GALNT18: variants seen among roughly 807,000 people sequenced by gnomAD.
GALNT18 encodes GalNAc-transferase 18.
A neutral mutation model predicts 69.5 loss-of-function variants in GALNT18; 44 were observed. The ratio of observed to expected loss-of-function variants is 0.63; its 90% CI spans 0.50 to 0.81. The LOEUF is 0.81. GALNT18 is among the 40% of genes least tolerant of loss of function. GALNT18 has a pLI of 0.00. For synonymous variants in GALNT18, 364 were observed against 318.2 expected, an observed-to-expected ratio of 1.14 and a Z score of -1.53; for missense variants, 715 against 810.0, an observed-to-expected ratio of 0.88 and a Z score of 1.42.
At chr11:11,379,676 C>T (rs1853863060) in intron 3 of GALNT18, among the ~76,000 whole-genome samples, 1 of 152,212 alleles carries the variant, frequency 6.6e-6, no homozygotes, top group African/African-American at 2.4e-5. Context: ...TACCTCCTTC[C>T]TATTGGTCTC....
At chr11:11,502,252 G>A (rs1365065911) in intron 1 of GALNT18, among the ~76,000 whole-genome samples, 1 of 152,196 alleles carries the variant, frequency 6.6e-6, no homozygotes, top group East Asian at 1.9e-4. Flanking sequence ...TTGCAAACAA[G>A]CTTAAACCAA....
chr11:11,506,100 A>G (rs767482222), intron 1 of GALNT18, among the ~76,000 whole-genome samples: 1 of 152,218 alleles, frequency 6.6e-6, no homozygotes, highest in Non-Finnish European at 1.5e-5. Context: ...AGGCACAGCC[A>G]AGCAAGAGGG....
rs1451390455 is a variant in GALNT18 at position 11,480,276 on chromosome 11, C to T, written c.236-31340G>A. On this transcript the variant is annotated intron_variant, in intron 1 of 10. Transcript: ENST00000227756. The surrounding 1 kb of genome is among the most constrained non-coding windows in gnomAD (Gnocchi z 4.6). The stretch of plus-strand genomic sequence containing the variant: ...CCTCTCTCTCTCTCTTTCTCTCTCT[C>T]TCGCCCCCCTCGCCCCAACCTCAGT... 6.6e-6 allele frequency among the ~76,000 whole-genome samples: 1 copy of T among 152,052 alleles called. No individual in the cohort carries two copies. Among genetic ancestry groups the T allele is most frequent in the Non-Finnish European group, 1.5e-5 (1 of 68,002 alleles).
chr11:11,379,374 C>A (rs1853855072), intron 3 of GALNT18, 110 bp from the exon 4 acceptor site: 1 of 1,051,278 alleles, frequency 9.5e-7, no homozygotes. Flanking sequence ...GCTGGGGGAC[C>A]CATTCCCCTC....
rs1014053819 is a variant in GALNT18 at position 11,480,223 on chromosome 11, T to C, written c.236-31287A>G. Among the ~76,000 whole-genome samples the C allele has an allele frequency of 1.3e-5, 2 of 152,098 alleles. No individual in the cohort carries two copies. The highest frequency in any genetic ancestry group is 2.9e-5 in the Non-Finnish European group (2 of 68,016). On this transcript the variant is annotated intron_variant, in intron 1 of 10. Coordinates refer to ENST00000227756, the MANE Select transcript of GALNT18 (RefSeq NM_198516.3). This position sits in a 1 kb window ranked among gnomAD's most constrained non-coding sequence, Gnocchi z 4.6. Reference sequence around the variant, plus strand: ...TAAACTAAAAGAAGGGGTCAATCTTTCTTTATTTCTTTCTTTCTTCCTTCC... The same window carrying C: ...TAAACTAAAAGAAGGGGTCAATCTTCCTTTATTTCTTTCTTTCTTCCTTCC...
chr11:11,299,669 G>A (rs1471277384), intron 9 of GALNT18, among the ~76,000 whole-genome samples: 1 of 152,202 alleles, frequency 6.6e-6, no homozygotes, highest in Admixed American at 6.5e-5. Flanking sequence ...TCATGGCTGA[G>A]AAGTATTCTA....
chr11:11,352,575 T>C (rs772004605), intron 6 of GALNT18: 79 of 1,614,050 alleles, frequency 4.9e-5, no homozygotes, highest in Admixed American at 6.7e-5. Context: ...GCCAGGATGA[T>C]AAAACTCAGC....
chr11:11,610,905 C>A (rs1442532204), intron 1 of GALNT18, among the ~76,000 whole-genome samples: 1 of 152,190 alleles, frequency 6.6e-6, no homozygotes, highest in African/African-American at 2.4e-5. Context: ...TTAGACAAAG[C>A]CTGTCCCGCT....
intron 9 of GALNT18, among the ~76,000 whole-genome samples, chr11:11,321,398 G>A (rs2722760): frequency 0.035 from 5,386 of 152,198 alleles, 273 homozygotes; most frequent in African/African-American, 0.11. Flanking sequence ...GTTAAGATTC[G>A]TGTATTTTAG....
At position 11,583,616 on chromosome 11, in the gene GALNT18, C is replaced by G. The variant is rs1041261510; in HGVS notation, c.235+37743G>C. Among the ~76,000 whole-genome samples the G allele has an allele frequency of 3.9e-5, 6 of 152,174 alleles. No individual in the cohort carries two copies. The highest frequency in any genetic ancestry group is 1.3e-4 in the Admixed American group (2 of 15,288). ...ATCTCATTCCCCAAATGTAGGACAT[C>G]CAAAGACCAGAGGTCCCATGAGACG... On this transcript the variant is annotated intron_variant, in intron 1 of 10. Transcript: ENST00000227756. The surrounding 1 kb of genome is among the most constrained non-coding windows in gnomAD (Gnocchi z 4.7).
chr11:11,359,180 C>T (rs576520849), intron 6 of GALNT18, among the ~76,000 whole-genome samples: 1 of 140,168 alleles, frequency 7.1e-6, no homozygotes, highest in Non-Finnish European at 1.6e-5. Context: ...AATTAATTTC[C>T]TTATGGCTAG....
chr11:11,412,932 G>A (rs1854764841), intron 3 of GALNT18, among the ~76,000 whole-genome samples: 1 of 152,172 alleles, frequency 6.6e-6, no homozygotes, highest in Non-Finnish European at 1.5e-5. Context: ...ACCAATGATG[G>A]AAGGGAGCTA....
At chr11:11,580,681 C>T (rs1435374346) in intron 1 of GALNT18, among the ~76,000 whole-genome samples, 1 of 152,268 alleles carries the variant, frequency 6.6e-6, no homozygotes, top group Admixed American at 6.5e-5. Context: ...GCCCATATGG[C>T]CATGCCAGCA....
intron 3 of GALNT18, among the ~76,000 whole-genome samples, chr11:11,379,532 T>C (rs1459576874): frequency 6.6e-6 from 1 of 152,248 alleles, no homozygotes; most frequent in Non-Finnish European, 1.5e-5. Flanking sequence ...GTCTATTTAA[T>C]CTTCACAACA....
chr11:11,289,467 T>TTAAACAGGAATCGTGTGGGG lies in GALNT18; in HGVS notation c.1677+3542_1677+3561dup, dbSNP rs569138952. Among the ~76,000 whole-genome samples, 135 of 152,276 alleles carry TTAAACAGGAATCGTGTGGGG rather than the reference T, an allele frequency of 8.9e-4. No individual in the cohort carries two copies. The Middle Eastern group carries it at 0.017, about 19-fold the overall frequency. The stretch of plus-strand genomic sequence containing the variant: ...CTGCTTTGTTGACTGCTATGTCTGT[T>TTAAACAGGAATCGTGTGGGG]TAAACAGGAATCGTGTGGGGCTGCC... On this transcript the variant is annotated intron_variant, in intron 10 of 10. Transcript: ENST00000227756.
chr11:11,348,710 CCT>C (rs1433364235), intron 6 of GALNT18, among the ~76,000 whole-genome samples: 2 of 152,134 alleles, frequency 1.3e-5, no homozygotes, highest in Admixed American at 6.5e-5. Context: ...GTTTCTGTCC[CCT>C]CTTTCTGCCA....
chr11:11,334,482 G>T (rs185443166), intron 7 of GALNT18, among the ~76,000 whole-genome samples: 2,907 of 151,826 alleles, frequency 0.019, 52 homozygotes, highest in Middle Eastern at 0.051. Context: ...GGTGGAGCTT[G>T]CAGTGAGCCG....
At chr11:11,526,642 A>G (rs1747882494) in intron 1 of GALNT18, among the ~76,000 whole-genome samples, 3 of 152,194 alleles carry the variant, frequency 2.0e-5, no homozygotes, top group Admixed American at 2.0e-4. Context: ...CACGTCCATC[A>G]GGATCACCTA....
chr11:11,588,538 A>G (rs577027785), intron 1 of GALNT18, among the ~76,000 whole-genome samples: 1 of 152,192 alleles, frequency 6.6e-6, no homozygotes, highest in African/African-American at 2.4e-5. Context: ...GCTCCACAGT[A>G]TCCTTTTCTT....
Sources: allele counts gnomAD v4.1 joint callset (sites outside exome capture counted in the v4.1 genomes callset), GRCh38; gene constraint gnomAD v4.1.1; non-coding constraint Gnocchi (gnomAD v3.1); transcripts MANE v1.5; gene names NCBI Gene and HGNC (gene_info 2026-07-23, HGNC 2026-07-21).